PLXDC2: variants seen among roughly 807,000 people sequenced by gnomAD.
PLXDC2 encodes the protein plexin domain-containing protein 2.
PLXDC2 carries 40 observed loss-of-function variants against 68.9 expected under a neutral mutation model. The observed-to-expected ratio is 0.58, with a 90% CI of 0.45 to 0.76. PLXDC2 has a LOEUF of 0.76. Among genes scored for constraint, PLXDC2 ranks in the 30% least tolerant of loss-of-function variants. The pLI, the probability that PLXDC2 is intolerant of heterozygous loss-of-function variation, is 0.00. For missense variants in PLXDC2, 644 were observed against 661.9 expected (o/e 0.97, Z 0.30); for synonymous variants, 243 against 234.2 (o/e 1.04, Z -0.34).
intron 10 of PLXDC2, among the ~76,000 whole-genome samples, chr10:20,213,335 T>C (rs1267934077): frequency 6.6e-6 from 1 of 152,108 alleles, no homozygotes; most frequent in Non-Finnish European, 1.5e-5. Context: ...GGCAATATCT[T>C]GCAAAGTCAC....
intron 4 of PLXDC2, among the ~76,000 whole-genome samples, chr10:20,133,363 C>T (rs977442408): frequency 6.6e-6 from 1 of 152,128 alleles, no homozygotes; most frequent in Non-Finnish European, 1.5e-5. Flanking sequence ...TAAAGGTTCT[C>T]TTTACCATTT....
intron 2 of PLXDC2, among the ~76,000 whole-genome samples, chr10:20,036,904 A>G (rs552778449): frequency 2.0e-5 from 3 of 152,200 alleles, no homozygotes; most frequent in African/African-American, 4.8e-5. Context: ...GTAACAATGC[A>G]ATTGATACCA....
At chr10:19,925,034 A>G (rs960432355) in intron 1 of PLXDC2, among the ~76,000 whole-genome samples, 2 of 152,204 alleles carry the variant, frequency 1.3e-5, no homozygotes, top group African/African-American at 4.8e-5. Flanking sequence ...GGTGAAGTTA[A>G]AGGTCTGCAA....
intron 5 of PLXDC2, among the ~76,000 whole-genome samples, chr10:20,145,879 A>G (rs1834070699): frequency 1.3e-5 from 2 of 152,102 alleles, no homozygotes; most frequent in African/African-American, 2.4e-5. Flanking sequence ...ACAACCTGCT[A>G]CTAACAAAAT....
chr10:20,222,539 C>A (rs1835226139), intron 12 of PLXDC2, among the ~76,000 whole-genome samples: 1 of 152,250 alleles, frequency 6.6e-6, no homozygotes, highest in East Asian at 1.9e-4. Context: ...TATTAGTCTT[C>A]AGGGTTGAGT....
chr10:20,220,928 C>T (rs1481910390), intron 12 of PLXDC2, among the ~76,000 whole-genome samples: 7 of 149,446 alleles, frequency 4.7e-5, no homozygotes, highest in Admixed American at 2.0e-4. Context: ...CTGCAACCTC[C>T]GTCTCCTGGG....
chr10:19,829,599 G>A (rs1836647466), intron 1 of PLXDC2, among the ~76,000 whole-genome samples: 1 of 152,012 alleles, frequency 6.6e-6, no homozygotes, highest in Admixed American at 6.6e-5. Context: ...CGTGGTGGCG[G>A]GCACCTGTAG....
intron 2 of PLXDC2, among the ~76,000 whole-genome samples, chr10:20,002,458 C>T (rs1294512028): frequency 1.3e-5 from 2 of 152,052 alleles, no homozygotes; most frequent in Admixed American, 6.6e-5. Flanking sequence ...TGGCATTTCA[C>T]CATGTTTGCC....
intron 1 of PLXDC2, among the ~76,000 whole-genome samples, chr10:19,863,814 C>T (rs1424543929): frequency 1.1e-4 from 4 of 37,296 alleles, no homozygotes; most frequent in Non-Finnish European, 1.9e-4. Context: ...TCCAAAGATA[C>T]TATTCAAAAA....
At chr10:20,095,812 A>G (rs1300172129) in intron 4 of PLXDC2, among the ~76,000 whole-genome samples, 1 of 152,206 alleles carries the variant, frequency 6.6e-6, no homozygotes, top group Non-Finnish European at 1.5e-5. Flanking sequence ...TGATGCTTAA[A>G]GAAGAAAATA....
intron 3 of PLXDC2, among the ~76,000 whole-genome samples, chr10:20,058,174 T>A (rs1171899636): frequency 1.3e-5 from 2 of 152,176 alleles, no homozygotes; most frequent in Non-Finnish European, 2.9e-5. Flanking sequence ...TACATATTTA[T>A]GGGGTACAGG....
chr10:19,925,418 T>C lies in PLXDC2; in HGVS notation c.113-76357T>C, dbSNP rs1279858317. ...CAGAATAGTTAATGACAGAAGAGCA[T>C]GGAGAGGCTTTTGATCTGCTTTTTA... is the stretch of plus-strand genomic sequence containing the variant. On this transcript the variant is annotated intron_variant, in intron 1 of 13. Coordinates refer to ENST00000377252, the MANE Select transcript of PLXDC2 (RefSeq NM_032812.9). Among the ~76,000 whole-genome samples the C allele has an allele frequency of 2.0e-5, 3 of 152,250 alleles. No individual in the cohort carries two copies. In the East Asian group the frequency reaches 5.8e-4, roughly 29 times the overall value.
At chr10:20,106,855 A>G (rs188571303) in intron 4 of PLXDC2, among the ~76,000 whole-genome samples, 44 of 152,056 alleles carry the variant, frequency 2.9e-4, no homozygotes, top group African/African-American at 1.0e-3. Context: ...TATACCATAT[A>G]CCATAATATA....
chr10:20,125,032 T>A (rs1303609636), intron 4 of PLXDC2, among the ~76,000 whole-genome samples: 1 of 152,130 alleles, frequency 6.6e-6, no homozygotes, highest in Non-Finnish European at 1.5e-5. Flanking sequence ...TGCTTATAAA[T>A]ATTGCAGTTG....
chr10:20,017,238 A>C (rs1835228340), intron 2 of PLXDC2, among the ~76,000 whole-genome samples: 2 of 152,180 alleles, frequency 1.3e-5, no homozygotes, highest in African/African-American at 4.8e-5. Context: ...GGGAGCAGGC[A>C]TCACAGTGCT....
chr10:20,050,433 G>C (rs1835876482), intron 3 of PLXDC2, among the ~76,000 whole-genome samples: 1 of 152,100 alleles, frequency 6.6e-6, no homozygotes, highest in African/African-American at 2.4e-5. Context: ...ACATCCTACA[G>C]AATGGGAGAA....
chr10:20,262,848 A>G (rs1469794399), intron 13 of PLXDC2, among the ~76,000 whole-genome samples: 2 of 152,114 alleles, frequency 1.3e-5, no homozygotes, highest in Non-Finnish European at 1.5e-5. Flanking sequence ...ATATCTCCTC[A>G]CCAGGCAGGT....
chr10:20,099,494 T>A (rs2131737802), intron 4 of PLXDC2, among the ~76,000 whole-genome samples: 1 of 152,348 alleles, frequency 6.6e-6, no homozygotes, highest in Non-Finnish European at 1.5e-5. Context: ...GTACTTTCAT[T>A]TCCCATCCAC....
intron 4 of PLXDC2, among the ~76,000 whole-genome samples, chr10:20,081,515 G>C (rs970042256): frequency 7.2e-5 from 11 of 152,048 alleles, no homozygotes; most frequent in Non-Finnish European, 1.2e-4. Context: ...TATCAGAAGA[G>C]AAGAAAAAGA....
Sources: gnomAD v4.1 joint callset for allele counts (sites outside exome capture counted in the v4.1 genomes callset) on GRCh38, gnomAD v4.1.1 for gene constraint, MANE v1.5 for transcripts, NCBI Gene and HGNC (gene_info 2026-07-23, HGNC 2026-07-21) for gene names.